MYO5B: variants seen among roughly 807,000 people sequenced by gnomAD.
The protein encoded by MYO5B is unconventional myosin-Vb.
In MYO5B, 143 loss-of-function variants were observed where a neutral mutation model predicts 229.3. That is an observed-to-expected ratio of 0.62 (90% CI 0.54 to 0.72). MYO5B has a LOEUF of 0.72. Ranked by LOEUF, MYO5B falls within the 30% of genes least tolerant of loss-of-function variation. MYO5B has a pLI of 0.00. For missense variants in MYO5B, 2,321 were observed against 2,331.0 expected (o/e 1.00, Z 0.09); for synonymous variants, 918 against 885.2 (o/e 1.04, Z -0.66).
At chr18:49,995,324 G>A (rs948389544) in intron 5 of MYO5B, among the ~76,000 whole-genome samples, 12 of 144,468 alleles carry the variant, frequency 8.3e-5, no homozygotes, top group Middle Eastern at 3.7e-3. Flanking sequence ...GTGTGATCTC[G>A]GCTCACTGCA....
intron 1 of MYO5B, among the ~76,000 whole-genome samples, chr18:50,117,717 A>T (rs2031987810): frequency 1.3e-5 from 2 of 152,214 alleles, no homozygotes; most frequent in Non-Finnish European, 2.9e-5. Context: ...AGCTACAGGC[A>T]GACCCAAACA....
chr18:49,925,643 C>T (rs1821165517), intron 17 of MYO5B, among the ~76,000 whole-genome samples: 1 of 152,192 alleles, frequency 6.6e-6, no homozygotes, highest in Non-Finnish European at 1.5e-5. Flanking sequence ...GGTATGTCCT[C>T]TCCTGGAAGA....
chr18:50,020,259 C>G (rs536481756), intron 4 of MYO5B, among the ~76,000 whole-genome samples: 3 of 152,332 alleles, frequency 2.0e-5, no homozygotes, highest in African/African-American at 7.2e-5. Flanking sequence ...TCAACATCAT[C>G]AGAAACATAA....
chr18:50,086,653 G>C (rs2031336656), intron 1 of MYO5B, among the ~76,000 whole-genome samples: 1 of 152,192 alleles, frequency 6.6e-6, no homozygotes, highest in African/African-American at 2.4e-5. Flanking sequence ...TGGAACCAAA[G>C]ATAATTTCCA....
chr18:50,137,601 C>G (rs1158419820), intron 1 of MYO5B, among the ~76,000 whole-genome samples: 4 of 152,106 alleles, frequency 2.6e-5, no homozygotes, highest in African/African-American at 7.2e-5. Flanking sequence ...TAAACAGAAC[C>G]ACCATTCAAC....
intron 7 of MYO5B, among the ~76,000 whole-genome samples, chr18:49,988,115 C>T (rs2025891505): frequency 6.6e-6 from 1 of 152,156 alleles, no homozygotes; most frequent in South Asian, 2.1e-4. Context: ...TACGCCAAGC[C>T]AAGGGGTCTT....
At chr18:49,899,930 T>TTA (rs1025096171) in intron 21 of MYO5B, among the ~76,000 whole-genome samples, 80 of 151,210 alleles carry the variant, frequency 5.3e-4, no homozygotes, top group African/African-American at 1.7e-3. Context: ...TTTTTTTATT[T>TTA]TTTTTTTAAA....
intron 17 of MYO5B, among the ~76,000 whole-genome samples, chr18:49,917,910 G>A (rs2025034452): frequency 1.3e-5 from 2 of 152,162 alleles, no homozygotes. Flanking sequence ...GGGTGTATGG[G>A]AGAAGCTCAG....
chr18:49,846,191 G>A (rs2024123829), intron 33 of MYO5B, among the ~76,000 whole-genome samples: 1 of 152,196 alleles, frequency 6.6e-6, no homozygotes, highest in East Asian at 1.9e-4. Flanking sequence ...TTTGACAGTG[G>A]GACCAGGGTG....
chr18:50,115,561 C>G (rs1299844588), intron 1 of MYO5B, among the ~76,000 whole-genome samples: 1 of 151,566 alleles, frequency 6.6e-6, no homozygotes, highest in South Asian at 2.1e-4. Flanking sequence ...CACACACACA[C>G]ACACACACAC....
chr18:50,111,909 A>G (rs773399287), intron 1 of MYO5B, among the ~76,000 whole-genome samples: 2 of 152,190 alleles, frequency 1.3e-5, no homozygotes, highest in African/African-American at 2.4e-5. Context: ...CACTGCACCT[A>G]CTGAGTACCT....
At chr18:49,969,747 G>A (rs568953592) in intron 10 of MYO5B, 17 of 152,184 alleles carry the variant, frequency 1.1e-4, no homozygotes, top group Non-Finnish European at 8.8e-5. Context: ...TTTATTATTA[G>A]GAAGTACCAC....
At chr18:50,003,038 C>A (rs1421966074) in intron 4 of MYO5B, among the ~76,000 whole-genome samples, 1 of 152,040 alleles carries the variant, frequency 6.6e-6, no homozygotes, top group Non-Finnish European at 1.5e-5. Context: ...TGAGATGATA[C>A]AAGGGAATGG....
chr18:50,048,123 AC>A (rs1568085584), intron 2 of MYO5B, among the ~76,000 whole-genome samples: 1 of 149,792 alleles, frequency 6.7e-6, no homozygotes, highest in Non-Finnish European at 1.5e-5. Context: ...AAAAAAAAAA[AC>A]ACAAACATTT....
chr18:50,134,980 T>C (rs904407787), intron 1 of MYO5B, among the ~76,000 whole-genome samples: 4 of 152,338 alleles, frequency 2.6e-5, no homozygotes, highest in Non-Finnish European at 5.9e-5. Context: ...CAACTGTTTG[T>C]TATACAGGCT....
intron 1 of MYO5B, among the ~76,000 whole-genome samples, chr18:50,070,136 C>G (rs2144445861): frequency 6.6e-6 from 1 of 151,368 alleles, no homozygotes; most frequent in South Asian, 2.1e-4. Context: ...ATTCTCCTGC[C>G]TCAGCCTCCC....
At chr18:50,021,716 C>T (rs1488134991) in intron 4 of MYO5B, among the ~76,000 whole-genome samples, 5 of 9,604 alleles carry the variant, frequency 5.2e-4, no homozygotes, top group South Asian at 7.6e-3. Flanking sequence ...ATCCCATCTG[C>T]GTAAAAAAAA....
intron 1 of MYO5B, among the ~76,000 whole-genome samples, chr18:50,152,595 C>T (rs1196916245): frequency 1.3e-5 from 2 of 152,180 alleles, no homozygotes; most frequent in Non-Finnish European, 2.9e-5. Context: ...GTCTTGACAT[C>T]ACAAGCTTTG....
At chr18:49,950,333 C>T (rs923553693) in intron 14 of MYO5B, among the ~76,000 whole-genome samples, 1 of 152,166 alleles carries the variant, frequency 6.6e-6, no homozygotes, top group Non-Finnish European at 1.5e-5. Flanking sequence ...GAGGAAGTTG[C>T]ATTTCAAGAG....
Sources: gnomAD v4.1 joint callset for allele counts (sites outside exome capture counted in the v4.1 genomes callset) on GRCh38, gnomAD v4.1.1 for gene constraint, MANE v1.5 for transcripts, NCBI Gene and HGNC (gene_info 2026-07-23, HGNC 2026-07-21) for gene names.